ACVR1C: variants seen among roughly 807,000 people sequenced by gnomAD.
ACVR1C encodes the protein activin A receptor type 1C.
In ACVR1C, 23 loss-of-function variants were observed where a neutral mutation model predicts 57.9. The ratio of observed to expected loss-of-function variants is 0.40; its 90% CI spans 0.29 to 0.56. The LOEUF is 0.56. ACVR1C is among the 20% of genes least tolerant of loss of function. The probability of loss-of-function intolerance (pLI) is 0.50; values close to 1 mark genes in which losing one functional copy is unlikely to be tolerated. For synonymous variants in ACVR1C, 214 were observed against 215.3 expected (o/e 0.99, Z 0.05); for missense variants, 480 against 607.9 (o/e 0.79, Z 2.21).
At position 157,628,673 on chromosome 2, in the gene ACVR1C, G is replaced by T; in HGVS notation, c.-29C>A. ...CACCAGGCGGCCGCGCCGGGGCTGC[G>T]AGGCCCCAGAGCAGAGCGAGGCAGC... On this transcript the variant is annotated 5_prime_UTR_variant, in exon 1 of 9. Coordinates refer to ENST00000243349, the MANE Select transcript of ACVR1C (RefSeq NM_145259.3). 3 of 1,538,718 alleles carry T rather than the reference G, an allele frequency of 1.9e-6. No individual in the cohort carries two copies. The highest frequency in any genetic ancestry group is 2.6e-6 in the Non-Finnish European group (3 of 1,144,334).
At position 157,532,056 on chromosome 2, in the gene ACVR1C, G is replaced by A. The variant is rs77290358; in HGVS notation, c.*1862C>T. The A allele has an allele frequency of 3.3e-5, 5 of 152,214 alleles. No homozygotes were observed. The East Asian group carries it at 9.6e-4, about 29-fold the overall frequency. The allele number at this position is 152,214 out of a possible 1,614,324, so 9.4% of individuals were successfully genotyped here. On this transcript the variant is annotated 3_prime_UTR_variant, in exon 9 of 9. Transcript: ENST00000243349. ...TTAATAAGTGGATGAGAGCATTAAC[G>A]AGTATGGAAGTACACGCAAACTCCA...
chr2:157,600,947 A>G (rs929475610), intron 1 of ACVR1C, among the ~76,000 whole-genome samples: 17 of 152,172 alleles, frequency 1.1e-4, no homozygotes, highest in Non-Finnish European at 2.4e-4. Flanking sequence ...ATGAATGGGG[A>G]GCACATTTTT....
At chr2:157,603,163 G>A (rs1682318171) in intron 1 of ACVR1C, among the ~76,000 whole-genome samples, 1 of 152,180 alleles carries the variant, frequency 6.6e-6, no homozygotes, top group South Asian at 2.1e-4. Context: ...GGCTGTCCCT[G>A]AAAATTCAGA....
chr2:157,542,976 G>A, intron 5 of ACVR1C, 114 bp from the exon 6 acceptor site: 4 of 1,054,802 alleles, frequency 3.8e-6, no homozygotes, highest in Non-Finnish European at 5.5e-6. Flanking sequence ...TTTCTTCAAA[G>A]CTCTTGTCAC....
At chr2:157,598,041 A>G (rs1292450152) in intron 1 of ACVR1C, among the ~76,000 whole-genome samples, 1 of 152,158 alleles carries the variant, frequency 6.6e-6, no homozygotes, top group Non-Finnish European at 1.5e-5. Flanking sequence ...CATAGGTCCT[A>G]TTGGTCTTAT....
chr2:157,616,466 T>C (rs1400112990), intron 1 of ACVR1C, among the ~76,000 whole-genome samples: 1 of 152,154 alleles, frequency 6.6e-6, no homozygotes, highest in African/African-American at 2.4e-5. Context: ...ATTTTCCACA[T>C]TTTCCACTAC....
chr2:157,566,676 G>C (rs1013827485), intron 2 of ACVR1C, among the ~76,000 whole-genome samples: 3 of 151,638 alleles, frequency 2.0e-5, no homozygotes, highest in African/African-American at 4.8e-5. Context: ...GGCGCACCAC[G>C]AGACTATATC....
intron 1 of ACVR1C, among the ~76,000 whole-genome samples, chr2:157,588,878 T>C (rs927061553): frequency 1.4e-5 from 2 of 139,944 alleles, no homozygotes; most frequent in Admixed American, 7.2e-5. Context: ...TATATATATA[T>C]ACGTGTGTGT....
At chr2:157,539,004 C>A (rs573227581) in intron 7 of ACVR1C, among the ~76,000 whole-genome samples, 2 of 148,472 alleles carry the variant, frequency 1.3e-5, no homozygotes, top group South Asian at 4.2e-4. Flanking sequence ...TATAACATTT[C>A]TATAATTGTA....
rs574555377 is a variant in ACVR1C, at chr2:157,593,549, C to T, written c.74-6132G>A. On this transcript the variant is annotated intron_variant, in intron 1 of 8. Transcript: ENST00000243349. ...AGATTTGACCTGCTGAATATGTAAT[C>T]TTTTCATCATTTGCAGGCTTCTGAG... Among the ~76,000 whole-genome samples, 5 of 152,236 alleles carry T rather than the reference C, an allele frequency of 3.3e-5. No individual in the cohort carries two copies. The East Asian group carries it at 9.6e-4, about 29-fold the overall frequency.
intron 1 of ACVR1C, among the ~76,000 whole-genome samples, chr2:157,606,721 A>G (rs1682406349): frequency 6.6e-6 from 1 of 151,778 alleles, no homozygotes. Context: ...CCCCTGTCAA[A>G]TAAGAAATGT....
chr2:157,572,373 A>AT (rs1212371237), intron 2 of ACVR1C, among the ~76,000 whole-genome samples: 4 of 149,204 alleles, frequency 2.7e-5, no homozygotes, highest in Non-Finnish European at 5.9e-5. Flanking sequence ...TAATAAAAAA[A>AT]AAAATTAAAA....
chr2:157,592,423 T>A (rs1421028995), intron 1 of ACVR1C, among the ~76,000 whole-genome samples: 3 of 152,110 alleles, frequency 2.0e-5, no homozygotes, highest in African/African-American at 7.2e-5. Flanking sequence ...GTGATATAGT[T>A]AAGACAGAAA....
At chr2:157,585,287 A>G (rs1688891911) in intron 2 of ACVR1C, among the ~76,000 whole-genome samples, 1 of 152,214 alleles carries the variant, frequency 6.6e-6, no homozygotes, top group Non-Finnish European at 1.5e-5. Context: ...TTCTCGATAA[A>G]GAAACTATTT....
intron 3 of ACVR1C, among the ~76,000 whole-genome samples, chr2:157,554,235 G>GAAAGAAAGAAAT: frequency 8.9e-6 from 1 of 112,414 alleles, no homozygotes; most frequent in Non-Finnish European, 1.8e-5. Flanking sequence ...AAGAAAGAAA[G>GAAAGAAAGAAAT]AAAGAAAGAA....
In ACVR1C at chr2:157,534,037, G is replaced by A. The variant is rs368036845; in HGVS notation, c.1363C>T (p.Arg455Ter). 6.4e-6 allele frequency: 10 copies of A among 1,562,024 alleles called. No individual in the cohort carries two copies. The highest frequency in any genetic ancestry group is 8.6e-6 in the Non-Finnish European group (10 of 1,159,528). ...PNQWQSCEAL[R>*]VMGRIMRECW... ...TCACGCATTATTCTCCCCATGACTC[G>A]GAGTGCCTTTAAGAGAGAAAAAAAA... The change falls in exon 9 of 9, where the codon CGA becomes TGA. Residue 455 changes from arginine to a stop codon, truncating the protein, a stop_gained. Transcript: ENST00000243349. LOFTEE classifies it high-confidence loss of function.
At chr2:157,555,101 CTTTTTTTTT>C (rs60269781) in intron 3 of ACVR1C, among the ~76,000 whole-genome samples, 6 of 83,946 alleles carry the variant, frequency 7.1e-5, no homozygotes, top group African/African-American at 1.8e-4. Flanking sequence ...ACTTTGAACG[CTTTTTTTTT>C]TTTTTTTTTT....
chr2:157,556,496 A>C (rs543509737), intron 2 of ACVR1C, among the ~76,000 whole-genome samples, 164 bp from the exon 3 acceptor site: 2 of 150,702 alleles, frequency 1.3e-5, no homozygotes, highest in Non-Finnish European at 2.9e-5. Flanking sequence ...AAAGATGGAG[A>C]AAAAAAATGA....
Position 157,549,725 on chromosome 2 carries a change from C to T in ACVR1C, c.775+437G>A, listed in dbSNP as rs199709675. On this transcript the variant is annotated intron_variant, in intron 4 of 8. Transcript: ENST00000243349. ...GACGGGCTGGGTGCGGTGGCTCACG[C>T]CTGTAATCCCAGCACTTTGGGAGGC... is the stretch of plus-strand genomic sequence containing the variant. Among the ~76,000 whole-genome samples, 7 of 151,722 alleles carry T rather than the reference C, an allele frequency of 4.6e-5. No homozygotes were observed. The East Asian group carries it at 9.7e-4, about 21-fold the overall frequency.
Sources: allele counts gnomAD v4.1 joint callset (sites outside exome capture counted in the v4.1 genomes callset), GRCh38; gene constraint gnomAD v4.1.1; transcripts MANE v1.5; gene names NCBI Gene and HGNC (gene_info 2026-07-23, HGNC 2026-07-21).